Variants in SPTBN1 observed in about 807,000 individuals in gnomAD.
SPTBN1 encodes the protein spectrin beta, non-erythrocytic 1.
SPTBN1 carries 32 observed loss-of-function variants against 266.4 expected under a neutral mutation model. The observed-to-expected ratio is 0.12, with a 90% CI of 0.09 to 0.16. The LOEUF is 0.16. SPTBN1 is among the 10% of genes least tolerant of loss of function. The probability of loss-of-function intolerance (pLI) is 1.00; values close to 1 mark genes in which losing one functional copy is unlikely to be tolerated. For missense variants in SPTBN1, 2,296 were observed against 3,067.1 expected (o/e 0.75, Z 5.94); for synonymous variants, 1,336 against 1,162.2 (o/e 1.15, Z -3.04).
intron 26 of SPTBN1, among the ~76,000 whole-genome samples, chr2:54,651,156 T>G (rs1572756176): frequency 2.0e-5 from 3 of 152,214 alleles, no homozygotes; most frequent in Non-Finnish European, 4.4e-5. Context: ...GAAAACACCT[T>G]GACAACATAG....
intron 1 of SPTBN1, among the ~76,000 whole-genome samples, chr2:54,525,931 C>T (rs992511735): frequency 6.6e-6 from 1 of 152,104 alleles, no homozygotes; most frequent in Non-Finnish European, 1.5e-5. Context: ...GGGTTTTCAC[C>T]ATGTTGGCCA....
chr2:54,465,256 A>G (rs1410610741), intron 1 of SPTBN1, among the ~76,000 whole-genome samples: 1 of 152,152 alleles, frequency 6.6e-6, no homozygotes, highest in African/African-American at 2.4e-5. Context: ...AGGCAGCTTG[A>G]AAAGAGCAGA....
intron 2 of SPTBN1, among the ~76,000 whole-genome samples, chr2:54,581,159 C>G (rs1674871924): frequency 6.6e-6 from 1 of 151,924 alleles, no homozygotes; most frequent in African/African-American, 2.4e-5. Context: ...TATATATAAT[C>G]TCATACAACA....
chr2:54,512,764 A>G lies in SPTBN1; in HGVS notation c.-47-13608A>G, dbSNP rs116006929. On this transcript the variant is annotated intron_variant, in intron 1 of 35. Transcript: ENST00000356805. Reference sequence around the variant, plus strand: ...TTTACTGGGATCCAAAGTACATACTATTTAGGTAGGAAGAAGCACTATGTT... The same window carrying G: ...TTTACTGGGATCCAAAGTACATACTGTTTAGGTAGGAAGAAGCACTATGTT... Among the ~76,000 whole-genome samples, 557 of 152,316 alleles carry G rather than the reference A, an allele frequency of 3.7e-3. 6 individuals carry two copies. The highest frequency in any genetic ancestry group is 0.013 in the African/African-American group (521 of 41,554).
At chr2:54,622,626 ACT>A (rs1373933617) in intron 9 of SPTBN1, 139 bp downstream of exon 9, 3 of 985,056 alleles carry the variant, frequency 3.0e-6, no homozygotes, top group South Asian at 1.8e-5. Context: ...TTTTCATCTG[ACT>A]CTGTTTTGCT....
chr2:54,456,860 C>T (rs1356282023), intron 1 of SPTBN1, among the ~76,000 whole-genome samples: 2 of 151,396 alleles, frequency 1.3e-5, no homozygotes, highest in African/African-American at 4.8e-5. Context: ...TCCCTGCCTC[C>T]GCCGGCGCCT....
At chr2:54,620,150 A>G (rs1677899907) in intron 7 of SPTBN1, among the ~76,000 whole-genome samples, 1 of 152,212 alleles carries the variant, frequency 6.6e-6, no homozygotes, top group Non-Finnish European at 1.5e-5. Context: ...CACAGCGGGA[A>G]TGTGGTAGGT....
chr2:54,622,510 A>G, intron 9 of SPTBN1, 23 bp downstream of exon 9: 2 of 1,607,670 alleles, frequency 1.2e-6, no homozygotes. Context: ...TTGTAGTGTG[A>G]TCATTAATAT....
chr2:54,471,075 C>T (rs1693895832), intron 1 of SPTBN1, among the ~76,000 whole-genome samples: 1 of 152,132 alleles, frequency 6.6e-6, no homozygotes, highest in Admixed American at 6.5e-5. Context: ...TTAGAATGTA[C>T]TCAATTAATA....
chr2:54,634,545 T>G (rs1678981489), intron 17 of SPTBN1, among the ~76,000 whole-genome samples: 1 of 152,186 alleles, frequency 6.6e-6, no homozygotes, highest in Admixed American at 6.5e-5. Context: ...TTAACTGAAT[T>G]CTGATTTCAC....
At chr2:54,568,028 C>G (rs12472587) in intron 2 of SPTBN1, among the ~76,000 whole-genome samples, 1 of 152,152 alleles carries the variant, frequency 6.6e-6, no homozygotes, top group Non-Finnish European at 1.5e-5. Context: ...CACAGACCTC[C>G]TAAGTCAGAA....
At chr2:54,508,341 G>T (rs1669682226) in intron 1 of SPTBN1, among the ~76,000 whole-genome samples, 1 of 152,220 alleles carries the variant, frequency 6.6e-6, no homozygotes, top group African/African-American at 2.4e-5. Flanking sequence ...CTCGAGGCAT[G>T]TGAGTAAAGT....
At position 54,598,259 on chromosome 2, in the gene SPTBN1, T is replaced by G. The variant is rs116630078; in HGVS notation, c.149-833T>G. ...ACTTGAATGTACAACAATCACGCTT[T>G]AGACCATAAATCAGCAGTTGCCTTT... is the stretch of plus-strand genomic sequence containing the variant. On this transcript the variant is annotated intron_variant, in intron 2 of 35. Coordinates refer to ENST00000356805, the MANE Select transcript of SPTBN1 (RefSeq NM_003128.3). Among the ~76,000 whole-genome samples, 640 of 152,354 alleles carry G rather than the reference T, an allele frequency of 4.2e-3. 6 individuals are homozygous for G. The highest frequency in any genetic ancestry group is 0.015 in the African/African-American group (604 of 41,582).
chr2:54,581,397 C>G (rs1426733906), intron 2 of SPTBN1, among the ~76,000 whole-genome samples: 4 of 151,986 alleles, frequency 2.6e-5, no homozygotes, highest in Non-Finnish European at 1.5e-5. Flanking sequence ...GTTGACTGTC[C>G]CACTTACCCA....
rs1320378715 is a variant in SPTBN1 at position 54,533,194 on chromosome 2, G to A, written c.148+6628G>A. ...ATTCACATACCAGGCGGGATGGAGC[G>A]AGATGGCGCAAGATTTCATCACAGT... is the stretch of plus-strand genomic sequence containing the variant. On this transcript the variant is annotated intron_variant, in intron 2 of 35. Transcript: ENST00000356805. The surrounding 1 kb of genome is among the most constrained non-coding windows in gnomAD (Gnocchi z 4.2). Among the ~76,000 whole-genome samples, 2 of 152,138 alleles carry A rather than the reference G, an allele frequency of 1.3e-5. No homozygotes were observed. Among genetic ancestry groups the A allele is most frequent in the East Asian group, 1.9e-4 (1 of 5,190 alleles).
At position 54,616,195 on chromosome 2, in the gene SPTBN1, T is replaced by C; in HGVS notation, c.475-12T>C. ...CCCATCTATTTGTCTAATATTTCTT[T>C]GTAAATCTTAGATCCAGGATATCAG... is the stretch of plus-strand genomic sequence containing the variant. On this transcript the variant is annotated splice_polypyrimidine_tract_variant and intron_variant, in intron 4 of 35. Coordinates refer to ENST00000356805, the MANE Select transcript of SPTBN1 (RefSeq NM_003128.3). 6.2e-7 allele frequency: 1 copy of C among 1,611,860 alleles called. No homozygotes were observed. Among genetic ancestry groups the C allele is most frequent in the Non-Finnish European group, 8.5e-7 (1 of 1,178,260 alleles).
At chr2:54,598,004 C>T (rs1676216022) in intron 2 of SPTBN1, among the ~76,000 whole-genome samples, 2 of 149,056 alleles carry the variant, frequency 1.3e-5, no homozygotes, top group African/African-American at 4.9e-5. Flanking sequence ...ACATAGAGAA[C>T]AGAGTCAGGG....
At chr2:54,616,727 T>C (rs1677640761) in intron 5 of SPTBN1, among the ~76,000 whole-genome samples, 1 of 152,232 alleles carries the variant, frequency 6.6e-6, no homozygotes, top group Admixed American at 6.5e-5. Context: ...ATTTTTTCAT[T>C]GAAATTTCAG....
chr2:54,633,107 G>C (rs1272692674), intron 17 of SPTBN1, among the ~76,000 whole-genome samples: 1 of 152,174 alleles, frequency 6.6e-6, no homozygotes, highest in Non-Finnish European at 1.5e-5. Context: ...TGTGTCACCT[G>C]ATAGGACCCC....
Sources: allele counts gnomAD v4.1 joint callset (sites outside exome capture counted in the v4.1 genomes callset), GRCh38; gene constraint gnomAD v4.1.1; non-coding constraint Gnocchi (gnomAD v3.1); transcripts MANE v1.5; gene names NCBI Gene and HGNC (gene_info 2026-07-23, HGNC 2026-07-21).